Variants in MMAA observed in about 807,000 individuals in gnomAD.
The protein encoded by MMAA is metabolism of cobalamin associated A.
Under a neutral mutation model 45.0 loss-of-function variants are expected in MMAA, and 41 were observed. The ratio of observed to expected loss-of-function variants is 0.91; its 90% CI spans 0.71 to 1.18. The LOEUF is 1.18. MMAA is among the 50% of genes most tolerant of loss of function. MMAA has a pLI of 0.00. For synonymous variants in MMAA, 154 were observed against 178.2 expected, an observed-to-expected ratio of 0.86 and a Z score of 1.08; for missense variants, 460 against 495.7, an observed-to-expected ratio of 0.93 and a Z score of 0.68.
chr4:145,654,711 T>C (rs1728180593), intron 6 of MMAA, among the ~76,000 whole-genome samples: 1 of 152,158 alleles, frequency 6.6e-6, no homozygotes, highest in South Asian at 2.1e-4. Context: ...TACATGCAGA[T>C]GTCAGATACC....
intron 1 of MMAA, among the ~76,000 whole-genome samples, chr4:145,628,754 A>G (rs914022005): frequency 2.0e-5 from 3 of 152,216 alleles, no homozygotes; most frequent in African/African-American, 7.2e-5. Context: ...TATTCTGCCT[A>G]TCATAGTAAC....
rs967352958 is a variant in MMAA at position 145,656,561 on chromosome 4, T to C, written c.*1127T>C. On this transcript the variant is annotated 3_prime_UTR_variant, in exon 7 of 7. Transcript: ENST00000649156. Reference sequence around the variant, plus strand: ...GATGTATAATTTCAGTTTTCTCTCATGGTCTTGTTACTACCATCATACTCT... The same window carrying C: ...GATGTATAATTTCAGTTTTCTCTCACGGTCTTGTTACTACCATCATACTCT... 3 of 151,954 alleles carry C rather than the reference T, an allele frequency of 2.0e-5. No individual in the cohort carries two copies. In the East Asian group the frequency reaches 5.8e-4, roughly 29 times the overall value. The allele number at this position is 151,954 out of a possible 1,614,324, so 9.4% of individuals were successfully genotyped here. A position where few individuals can be genotyped will look rare whatever the true frequency, so the allele number is the denominator to read the frequency against.
chr4:145,650,044 G>A (rs1728047784), intron 4 of MMAA, among the ~76,000 whole-genome samples: 1 of 152,232 alleles, frequency 6.6e-6, no homozygotes, highest in Non-Finnish European at 1.5e-5. Flanking sequence ...GAAGGAGTCA[G>A]CATAAATTAC....
At position 145,639,393 on chromosome 4, in the gene MMAA, T is replaced by A. The variant is rs372082521; in HGVS notation, c.254T>A (p.Phe85Tyr). Reference sequence around the variant, plus strand: ...GGACTTTCTGATAAAGAGCAAAGATTTGTGGATAAACTTTATACTGGTTTA... The same window carrying A: ...GGACTTTCTGATAAAGAGCAAAGATATGTGGATAAACTTTATACTGGTTTA... ...TEGLSDKEQR[F>Y]VDKLYTGLIQ... Residue 85 changes from phenylalanine (F) to tyrosine (Y), a missense_variant, in exon 2 of 7, where the codon TTT (phenylalanine) becomes TAT (tyrosine). Coordinates refer to ENST00000649156, the MANE Select transcript of MMAA (RefSeq NM_172250.3). 1.9e-6 allele frequency: 3 copies of A among 1,614,080 alleles called. No individual in the cohort carries two copies. Among genetic ancestry groups the A allele is most frequent in the African/African-American group, 2.7e-5 (2 of 74,924 alleles).
intron 1 of MMAA, among the ~76,000 whole-genome samples, chr4:145,631,886 C>T (rs574516173): frequency 3.6e-4 from 55 of 152,300 alleles, no homozygotes; most frequent in Non-Finnish European, 6.9e-4. Flanking sequence ...GATAACAACA[C>T]TGTTTATATA....
At chr4:145,626,784 G>A (rs1038147069) in intron 1 of MMAA, among the ~76,000 whole-genome samples, 1 of 152,164 alleles carries the variant, frequency 6.6e-6, no homozygotes, top group African/African-American at 2.4e-5. Context: ...CTGAAAAAAT[G>A]CATGCACGAT....
At chr4:145,646,547 A>G (rs1727932292) in intron 4 of MMAA, 1 of 231,842 alleles carries the variant, frequency 4.3e-6, no homozygotes, top group South Asian at 6.3e-5. Context: ...AATATGTTTT[A>G]TTTCATTGTT....
chr4:145,624,266 A>G lies in MMAA; in HGVS notation c.-66+4859A>G, dbSNP rs1011676823. On this transcript the variant is annotated intron_variant, in intron 1 of 6. Coordinates refer to ENST00000649156, the MANE Select transcript of MMAA (RefSeq NM_172250.3). ...GGGAGGCCATAATGGTCTGGGGGGA[A>G]GTTATATTCCTCCTGTAGAGGTGAA... 1.3e-5 allele frequency: 10 copies of G among 798,386 alleles called. No homozygotes were observed. The African/African-American group carries it at 1.3e-4, about 11-fold the overall frequency. 49.5% of individuals were successfully genotyped at this position (798,386 alleles called of 1,614,324 possible).
intron 1 of MMAA, chr4:145,624,318 C>T (rs17008702): frequency 0.032 from 25,498 of 791,082 alleles, 702 homozygotes; most frequent in Middle Eastern, 0.092. Context: ...GGTCTTCTTT[C>T]GAAGCAGTCA....
In MMAA at chr4:145,642,502, C is replaced by G; in HGVS notation, c.562+17C>G. 3 of 1,613,812 alleles carry G rather than the reference C, an allele frequency of 1.9e-6. No homozygotes were observed. The highest frequency in any genetic ancestry group is 2.5e-6 in the Non-Finnish European group (3 of 1,179,886). On this transcript the variant is annotated intron_variant, in intron 3 of 6. Coordinates refer to ENST00000649156, the MANE Select transcript of MMAA (RefSeq NM_172250.3). ...CTAGTGGTGGTAAGTATGGCTGATT[C>G]TTTTTCAATTGCAGAGGTCTGGGGG...
rs539664731 is a variant in MMAA, at chr4:145,656,271, A to G, written c.*837A>G. 6.6e-6 allele frequency: 1 copy of G among 152,292 alleles called. No individual in the cohort carries two copies. Among genetic ancestry groups the G allele is most frequent in the African/African-American group, 2.4e-5 (1 of 41,546 alleles). 9.4% of individuals were successfully genotyped at this position (152,292 alleles called of 1,614,324 possible). On this transcript the variant is annotated 3_prime_UTR_variant, in exon 7 of 7. Coordinates refer to ENST00000649156, the MANE Select transcript of MMAA (RefSeq NM_172250.3). ...TTAAAAATCTTTTTTCTTGATGGTGAACAAGTTTTGTCCTATGCTATGGAG... is the reference window on the plus strand; with the variant it reads ...TTAAAAATCTTTTTTCTTGATGGTGGACAAGTTTTGTCCTATGCTATGGAG...
intron 1 of MMAA, among the ~76,000 whole-genome samples, chr4:145,630,462 C>T (rs1224995431): frequency 6.6e-6 from 1 of 152,130 alleles, no homozygotes; most frequent in African/African-American, 2.4e-5. Flanking sequence ...GGTGCGGTGG[C>T]TAACACCTGT....
chr4:145,655,370 T>A lies in MMAA; in HGVS notation c.1193T>A (p.Ile398Asn), dbSNP rs777459994. Residue 398 changes from isoleucine (I) to asparagine (N), a missense_variant, in exon 7 of 7, where the codon ATT becomes AAT. Transcript: ENST00000649156. ...CCACTTCTGGAACAAAAGGTTCTCA[T>A]TGGGGCCCTGTCCCCAGGACTAGCA... is the stretch of plus-strand genomic sequence containing the variant. ...QIPLLEQKVL[I>N]GALSPGLAAD... The A allele has an allele frequency of 6.2e-7, 1 of 1,614,234 alleles. No homozygotes were observed. Among genetic ancestry groups the A allele is most frequent in the Admixed American group, 1.7e-5 (1 of 60,024 alleles).
At chr4:145,630,363 T>C (rs1734310383) in intron 1 of MMAA, among the ~76,000 whole-genome samples, 1 of 152,238 alleles carries the variant, frequency 6.6e-6, no homozygotes, top group African/African-American at 2.4e-5. Flanking sequence ...TTTTCATCTC[T>C]GCATTTATTT....
Position 145,655,447 on chromosome 4 carries a change from T to C in MMAA, c.*13T>C. 6.3e-7 allele frequency: 1 copy of C among 1,594,472 alleles called. No homozygotes were observed. The highest frequency in any genetic ancestry group is 2.2e-5 in the East Asian group (1 of 44,734). On this transcript the variant is annotated 3_prime_UTR_variant, in exon 7 of 7. Coordinates refer to ENST00000649156, the MANE Select transcript of MMAA (RefSeq NM_172250.3). Reference sequence around the variant, plus strand: ...AAGCAGAGACTAATAAAATTCATCCTGTATAATAATTTTACATATCATTTC... The same window carrying C: ...AAGCAGAGACTAATAAAATTCATCCCGTATAATAATTTTACATATCATTTC...
In MMAA at chr4:145,658,581, G is replaced by GATC. The variant is rs1728298524; in HGVS notation, c.*3150_*3152dup. 6.6e-6 allele frequency: 1 copy of GATC among 151,194 alleles called. No homozygotes were observed. The allele number at this position is 151,194 out of a possible 1,614,324, so 9.4% of individuals were successfully genotyped here. ...AGGCATTTTCTCTTCAGAATCACTC[G>GATC]ATCATATGGCCATTTCCCTAAGCTT... On this transcript the variant is annotated 3_prime_UTR_variant, in exon 7 of 7. Coordinates refer to ENST00000649156, the MANE Select transcript of MMAA (RefSeq NM_172250.3).
In MMAA at chr4:145,658,597, C is replaced by T. The variant is rs1387774150; in HGVS notation, c.*3163C>T. 2 of 151,892 alleles carry T rather than the reference C, an allele frequency of 1.3e-5. No individual in the cohort carries two copies. The highest frequency in any genetic ancestry group is 6.6e-5 in the Admixed American group (1 of 15,264). 9.4% of individuals were successfully genotyped at this position (151,892 alleles called of 1,614,324 possible). A position where few individuals can be genotyped will look rare whatever the true frequency, so the allele number is the denominator to read the frequency against. ...GAATCACTCGATCATATGGCCATTT[C>T]CCTAAGCTTTTATAGCTATTGCCCA... On this transcript the variant is annotated 3_prime_UTR_variant, in exon 7 of 7. Coordinates refer to ENST00000649156, the MANE Select transcript of MMAA (RefSeq NM_172250.3).
chr4:145,652,457 A>G (rs558993495), intron 5 of MMAA, among the ~76,000 whole-genome samples: 2 of 152,190 alleles, frequency 1.3e-5, no homozygotes, highest in African/African-American at 2.4e-5. Context: ...GGCCGGGCGC[A>G]GTGGCTCACG....
intron 4 of MMAA, 127 bp downstream of exon 4, chr4:145,646,283 A>G (rs2126623065): frequency 1.9e-6 from 2 of 1,040,372 alleles, no homozygotes; most frequent in South Asian, 1.4e-5. Flanking sequence ...AAGATATCCC[A>G]TACTCCCTAG....
Sources: allele counts gnomAD v4.1 joint callset (sites outside exome capture counted in the v4.1 genomes callset), GRCh38; gene constraint gnomAD v4.1.1; transcripts MANE v1.5; gene names NCBI Gene and HGNC (gene_info 2026-07-23, HGNC 2026-07-21).